The following NAV1 variants were observed in gnomAD, a reference collection of about 807,000 sequenced individuals.
NAV1 encodes neuron navigator 1, also known as pore membrane and/or filament interacting like protein 3.
A neutral mutation model predicts 175.2 loss-of-function variants in NAV1; 18 were observed. The ratio of observed to expected loss-of-function variants is 0.10; its 90% CI spans 0.07 to 0.15. The LOEUF (loss-of-function observed/expected upper bound fraction) is 0.15, where lower values mean the gene tolerates loss of function less well. Among genes scored for constraint, NAV1 ranks in the 10% least tolerant of loss-of-function variants. The probability of loss-of-function intolerance (pLI) is 1.00; values close to 1 mark genes in which losing one functional copy is unlikely to be tolerated. For synonymous variants in NAV1, 897 were observed against 978.7 expected (o/e 0.92, Z 1.56); for missense variants, 1,731 against 2,436.6 (o/e 0.71, Z 6.10).
intron 1 of NAV1, among the ~76,000 whole-genome samples, chr1:201,581,121 T>C (rs967141065): frequency 6.6e-6 from 1 of 152,134 alleles, no homozygotes; most frequent in Non-Finnish European, 1.5e-5. Flanking sequence ...GAAGGAGTTG[T>C]TTGCCATGCT....
At chr1:201,802,305 CAAAAAA>C (rs34854602) in intron 15 of NAV1, among the ~76,000 whole-genome samples, 5 of 40,056 alleles carry the variant, frequency 1.2e-4, no homozygotes, top group African/African-American at 2.1e-4. Context: ...AACACCTTCT[CAAAAAA>C]AAAAAAAAAA....
At chr1:201,797,713 C>T (rs1029292376) in intron 15 of NAV1, 1 of 152,136 alleles carries the variant, frequency 6.6e-6, no homozygotes, top group Non-Finnish European at 1.5e-5. Flanking sequence ...GAACCTTGTA[C>T]TTATTTTGTT....
At chr1:201,745,461 A>G (rs1407183507) in intron 3 of NAV1, among the ~76,000 whole-genome samples, 4 of 152,228 alleles carry the variant, frequency 2.6e-5, no homozygotes, top group Non-Finnish European at 5.9e-5. Context: ...AGGGGAGAAG[A>G]GGAAAGTTGT....
At chr1:201,784,459 C>T (rs1676560333) in intron 7 of NAV1, among the ~76,000 whole-genome samples, 1 of 152,002 alleles carries the variant, frequency 6.6e-6, no homozygotes, top group Non-Finnish European at 1.5e-5. Context: ...CACCTGGCTG[C>T]CCAGAATCTT....
chr1:201,609,485 G>T (rs1193380845), intron 2 of NAV1, among the ~76,000 whole-genome samples: 1 of 152,240 alleles, frequency 6.6e-6, no homozygotes, highest in African/African-American at 2.4e-5. Flanking sequence ...TTCATCCCTT[G>T]CCCCAGACCA....
Position 201,809,473 on chromosome 1 carries a change from G to C in NAV1, c.4337G>C (p.Cys1446Ser), listed in dbSNP as rs747956225. 5.9e-5 allele frequency: 96 copies of C among 1,613,998 alleles called. No individual in the cohort carries two copies. The highest frequency in any genetic ancestry group is 7.3e-5 in the Non-Finnish European group (86 of 1,180,032). ...AAGCAGCAGGAATTCTTCCTGGGCT[G>C]TAGCAAGGTCAGTGGAAAAGTTGAC... The change falls in exon 22 of 30, where the codon TGT becomes TCT. Residue 1446 changes from cysteine (C) to serine (S), a missense_variant. Physicochemically the swap from Cys to Ser is moderately radical, Grantham distance 112 (BLOSUM62 -1). Coordinates refer to ENST00000367296, the Ensembl canonical transcript of NAV1.
At chr1:201,781,706 G>A (rs189541675) in intron 5 of NAV1, among the ~76,000 whole-genome samples, 3 of 152,292 alleles carry the variant, frequency 2.0e-5, no homozygotes, top group African/African-American at 7.2e-5. Flanking sequence ...AAGATCCTAA[G>A]AAAACAATAA....
chr1:201,636,133 T>C (rs930750923), intron 2 of NAV1, among the ~76,000 whole-genome samples: 6 of 152,204 alleles, frequency 3.9e-5, no homozygotes, highest in Admixed American at 2.0e-4. Flanking sequence ...GCCCTCCTTA[T>C]AACTCTGAAC....
intron 2 of NAV1, among the ~76,000 whole-genome samples, chr1:201,603,391 A>G (rs1667578003): frequency 6.6e-6 from 1 of 152,102 alleles, no homozygotes; most frequent in African/African-American, 2.4e-5. Context: ...ATCACTGTAA[A>G]ATTTACAGGA....
chr1:201,813,011 G>C lies in NAV1; in HGVS notation c.5222-129G>C. On this transcript the variant is annotated intron_variant, in intron 27 of 29. Transcript: ENST00000367296. The surrounding 1 kb of genome is among the most constrained non-coding windows in gnomAD (Gnocchi z 4.2). The stretch of plus-strand genomic sequence containing the variant: ...TAGGCAGTCAGCACCCACTAGTCTT[G>C]ACAACTCTAAATTTCCTTTAATCCT... 1.4e-6 allele frequency: 1 copy of C among 690,068 alleles called. No individual in the cohort carries two copies. The highest frequency in any genetic ancestry group is 2.5e-6 in the Non-Finnish European group (1 of 402,200). 42.7% of individuals were successfully genotyped at this position (690,068 alleles called of 1,614,324 possible). A position where few individuals can be genotyped will look rare whatever the true frequency, so the allele number is the denominator to read the frequency against.
chr1:201,814,535 G>A (rs942063479), intron 28 of NAV1, among the ~76,000 whole-genome samples: 8 of 152,106 alleles, frequency 5.3e-5, no homozygotes, highest in Admixed American at 3.9e-4. Context: ...CTAGACCCAT[G>A]GGTCATATAT....
chr1:201,642,523 T>TTC (rs1235070900), intron 2 of NAV1, among the ~76,000 whole-genome samples: 1 of 96,574 alleles, frequency 1.0e-5, no homozygotes, highest in African/African-American at 6.8e-5. Flanking sequence ...CTTTCTTTCT[T>TTC]TTTTTCTTTC....
chr1:201,752,092 A>C (rs964340723), intron 3 of NAV1, among the ~76,000 whole-genome samples: 2 of 152,196 alleles, frequency 1.3e-5, no homozygotes, highest in Non-Finnish European at 2.9e-5. Context: ...CTGTTCTCTG[A>C]AGTGAAAACC....
intron 3 of NAV1, among the ~76,000 whole-genome samples, chr1:201,741,519 G>C (rs1006450502): frequency 6.6e-6 from 1 of 152,112 alleles, no homozygotes; most frequent in African/African-American, 2.4e-5. Context: ...GGAAGGAACT[G>C]TTCATAACCT....
Position 201,592,849 on chromosome 1 carries a change from C to T in NAV1, c.-33+4200C>T, listed in dbSNP as rs143440607. Among the ~76,000 whole-genome samples the T allele has an allele frequency of 2.5e-3, 383 of 152,188 alleles. 2 individuals are homozygous for T. In the Middle Eastern group the frequency reaches 0.034, roughly 14 times the overall value. ...TTACCTCCCAGCTCAGAGCCCTACC[C>T]GTCAGACCAGGAGCGAGTCCAGGGA... On this transcript the variant is annotated intron_variant, in intron 2 of 33. Coordinates refer to the NAV1 transcript ENST00000685211.
chr1:201,721,835 C>T lies in NAV1; in HGVS notation c.1226+3080C>T, dbSNP rs551359924. The stretch of plus-strand genomic sequence containing the variant: ...CCATAAAAGATGACAGTAATTCTGG[C>T]GCTTTCTCCACACTCTGTTTATCTG... On this transcript the variant is annotated intron_variant, in intron 3 of 29. Coordinates refer to ENST00000367296, the Ensembl canonical transcript of NAV1. Among the ~76,000 whole-genome samples the T allele has an allele frequency of 5.7e-4, 87 of 152,286 alleles. No individual in the cohort carries two copies. In the South Asian group the frequency reaches 7.7e-3, roughly 13 times the overall value.
At chr1:201,642,557 T>TCTTTCTTTC (rs1553247081) in intron 2 of NAV1, among the ~76,000 whole-genome samples, 2 of 106,018 alleles carry the variant, frequency 1.9e-5, no homozygotes, top group African/African-American at 8.5e-5. Context: ...TTCTTTCTTT[T>TCTTTCTTTC]TTCCCTTTCT....
rs774686970 is a variant in NAV1, at chr1:201,804,485, C to A, written c.3640-4C>A. The A allele has an allele frequency of 5.2e-6, 8 of 1,543,728 alleles. No individual in the cohort carries two copies. In the Admixed American group the frequency reaches 1.6e-4, roughly 31 times the overall value. The stretch of plus-strand genomic sequence containing the variant: ...GCTGACTCCAAATCCCTATTTTTTT[C>A]CAGGTCTATGAGGTAAGAGACCCAG... On this transcript the variant is annotated splice_region_variant and splice_polypyrimidine_tract_variant and intron_variant, in intron 16 of 29. Coordinates refer to ENST00000367296, the Ensembl canonical transcript of NAV1.
At chr1:201,619,037 A>G (rs1392109970), upstream of NAV1, among the ~76,000 whole-genome samples, 2 of 152,104 alleles carry the variant, frequency 1.3e-5, no homozygotes, top group Non-Finnish European at 2.9e-5. Context: ...TCCTCCTCCC[A>G]GTCTAGATGA....
Sources: allele counts gnomAD v4.1 joint callset (sites outside exome capture counted in the v4.1 genomes callset), GRCh38; gene constraint gnomAD v4.1.1; non-coding constraint Gnocchi (gnomAD v3.1); transcripts MANE v1.5; gene names NCBI Gene and HGNC (gene_info 2026-07-23, HGNC 2026-07-21).